Variants in ACOX3 observed in about 807,000 individuals in gnomAD.
ACOX3 encodes the protein acyl-CoA oxidase 3, pristanoyl.
Under a neutral mutation model 81.5 loss-of-function variants are expected in ACOX3, and 73 were observed. The observed-to-expected ratio is 0.90, with a 90% CI of 0.74 to 1.09. The LOEUF is 1.09. ACOX3 is among the 50% of genes least tolerant of loss of function. The pLI is 0.00. For missense variants in ACOX3, 947 were observed against 928.0 expected (o/e 1.02, Z -0.27); for synonymous variants, 387 against 375.1 (o/e 1.03, Z -0.37).
intron 7 of ACOX3, among the ~76,000 whole-genome samples, chr4:8,403,346 C>G (rs1044889218): frequency 6.6e-6 from 1 of 152,202 alleles, no homozygotes; most frequent in Non-Finnish European, 1.5e-5. Context: ...TCACTGCGCC[C>G]CCTGCTGGGT....
Position 8,432,783 on chromosome 4 carries a change from G to A in ACOX3, c.-15+7865C>T, listed in dbSNP as rs1015316331. Among the ~76,000 whole-genome samples, 8 of 152,174 alleles carry A rather than the reference G, an allele frequency of 5.3e-5. 1 individual carries two copies. Among genetic ancestry groups the A allele is most frequent in the Non-Finnish European group, 1.2e-4 (8 of 68,022 alleles). On this transcript the variant is annotated intron_variant, in intron 1 of 17. Coordinates refer to ENST00000356406, the MANE Select transcript of ACOX3 (RefSeq NM_003501.3). The surrounding 1 kb of genome is among the most constrained non-coding windows in gnomAD (Gnocchi z 6.2). The stretch of plus-strand genomic sequence containing the variant: ...TCCACCCAGCTTCCAGCACTTAGAC[G>A]CTGACAACTCAGAATGGAGGGGCTT...
intron 1 of ACOX3, among the ~76,000 whole-genome samples, chr4:8,418,869 AAAAC>A (rs1452486445): frequency 6.6e-6 from 1 of 152,198 alleles, no homozygotes; most frequent in Non-Finnish European, 1.5e-5. Context: ...CAAAGAAAAC[AAAAC>A]AAACAAACAA....
At chr4:8,355,924 G>A in the ACOX3 span, 2 of 160,984 alleles carry the variant, frequency 1.2e-5, no homozygotes, top group Non-Finnish European at 2.8e-5. Context: ...TTCAAGCACG[G>A]GGGAAGGTAT....
In ACOX3 at chr4:8,410,219, A is replaced by G; in HGVS notation, c.680T>C (p.Ile227Thr). Residue 227 changes from isoleucine (I) to threonine (T), a missense_variant, in exon 6 of 18, where the codon ATC (isoleucine) becomes ACC (threonine). Physicochemically the swap from Ile to Thr is moderately conservative, Grantham distance 89. Transcript: ENST00000356406. ...GCCACCCCAGCGTCCTACCTGCACG[A>G]TAAAGGGATGCAGCCCATGGCACTG... ...GDQCHGLHPFIVQIRDPKTLL... is the reference protein window; with the variant it reads ...GDQCHGLHPFTVQIRDPKTLL... 6.2e-7 allele frequency: 1 copy of G among 1,613,936 alleles called. No individual in the cohort carries two copies. Among genetic ancestry groups the G allele is most frequent in the Non-Finnish European group, 8.5e-7 (1 of 1,179,886 alleles).
In ACOX3 at chr4:8,389,752, T is replaced by C. The variant is rs755811635; in HGVS notation, c.1301-18A>G. On this transcript the variant is annotated intron_variant, in intron 11 of 17. Transcript: ENST00000356406. This position sits in a 1 kb window ranked among gnomAD's most constrained non-coding sequence, Gnocchi z 5.3. ...CCGGTTCACTGCAACAAAGCCACAA[T>C]AGTACCATCATTTAAGACGCATATT... 3.1e-6 allele frequency: 5 copies of C among 1,612,904 alleles called. No individual in the cohort carries two copies. In the South Asian group the frequency reaches 4.4e-5, roughly 14 times the overall value.
At chr4:8,412,017 T>A (rs1721778000) in intron 5 of ACOX3, among the ~76,000 whole-genome samples, 1 of 152,204 alleles carries the variant, frequency 6.6e-6, no homozygotes. Context: ...AAATGGGAAG[T>A]GGTCCTCTGA....
chr4:8,414,429 G>A lies in ACOX3; in HGVS notation c.454-48C>T. ...ATGGAAAGCAAGAAAAGTTCTTTGT[G>A]CACATTCCCAGAAGGACCTCACTGC... On this transcript the variant is annotated intron_variant, in intron 4 of 17. Coordinates refer to ENST00000356406, the MANE Select transcript of ACOX3 (RefSeq NM_003501.3). This position sits in a 1 kb window ranked among gnomAD's most constrained non-coding sequence, Gnocchi z 6.1. 1 of 1,535,994 alleles carries A rather than the reference G, an allele frequency of 6.5e-7. No homozygotes were observed. Among genetic ancestry groups the A allele is most frequent in the Non-Finnish European group, 9.0e-7 (1 of 1,109,420 alleles).
intron 5 of ACOX3, among the ~76,000 whole-genome samples, chr4:8,411,552 CG>C (rs1437489050): frequency 6.6e-6 from 1 of 152,168 alleles, no homozygotes; most frequent in Non-Finnish European, 1.5e-5. Flanking sequence ...CTTCAGCACG[CG>C]GCAGTTCTGA....
At position 8,440,631 on chromosome 4, in the gene ACOX3, C is replaced by T. The variant is rs1477325742; in HGVS notation, c.-15+17G>A. On this transcript the variant is annotated intron_variant, in intron 1 of 17. Coordinates refer to ENST00000356406, the MANE Select transcript of ACOX3 (RefSeq NM_003501.3). ...AATTCTCTCAAAAGGGAATAAAACA[C>T]AGGTCAAATTCCTCACCCACACACT... 3 of 611,338 alleles carry T rather than the reference C, an allele frequency of 4.9e-6. No homozygotes were observed. The highest frequency in any genetic ancestry group is 6.7e-5 in the East Asian group (2 of 29,690). The allele number at this position is 611,338 out of a possible 1,614,324, so 37.9% of individuals were successfully genotyped here.
rs1359623993 is a variant in ACOX3, at chr4:8,437,848, C to G, written c.-15+2800G>C. Among the ~76,000 whole-genome samples the G allele has an allele frequency of 6.6e-6, 1 of 152,190 alleles. No individual in the cohort carries two copies. Among genetic ancestry groups the G allele is most frequent in the Non-Finnish European group, 1.5e-5 (1 of 68,036 alleles). ...ACTGATCTGATCAGGCTGGCAGGAGCTAAAGAATGTAAAGACTAGGGCAGA... is the reference window on the plus strand; with the variant it reads ...ACTGATCTGATCAGGCTGGCAGGAGGTAAAGAATGTAAAGACTAGGGCAGA... On this transcript the variant is annotated intron_variant, in intron 1 of 17. Coordinates refer to ENST00000356406, the MANE Select transcript of ACOX3 (RefSeq NM_003501.3). The surrounding 1 kb of genome is among the most constrained non-coding windows in gnomAD (Gnocchi z 5.2).
In ACOX3 at chr4:8,419,753, C is replaced by A. The variant is rs548637175; in HGVS notation, c.-14-3218G>T. Reference sequence around the variant, plus strand: ...CCCCACCTCTCATGTTCTGGAGATGCCCATACTGAGTGTTCAACACTGAAT... The same window carrying A: ...CCCCACCTCTCATGTTCTGGAGATGACCATACTGAGTGTTCAACACTGAAT... On this transcript the variant is annotated intron_variant, in intron 1 of 17. Coordinates refer to ENST00000356406, the MANE Select transcript of ACOX3 (RefSeq NM_003501.3). The surrounding 1 kb of genome is among the most constrained non-coding windows in gnomAD (Gnocchi z 4.2). 6.6e-6 allele frequency among the ~76,000 whole-genome samples: 1 copy of A among 152,252 alleles called. No individual in the cohort carries two copies. The highest frequency in any genetic ancestry group is 2.1e-4 in the South Asian group (1 of 4,814).
In ACOX3 at chr4:8,382,214, C is replaced by A. The variant is rs1208452694; in HGVS notation, c.1538-607G>T. Reference sequence around the variant, plus strand: ...GGCAGGAGGGAGCAGATGTTGCAGACAGGGAGGCCCCGGGGTGGGGTGTCA... The same window carrying A: ...GGCAGGAGGGAGCAGATGTTGCAGAAAGGGAGGCCCCGGGGTGGGGTGTCA... On this transcript the variant is annotated intron_variant, in intron 13 of 17. Coordinates refer to ENST00000356406, the MANE Select transcript of ACOX3 (RefSeq NM_003501.3). This position sits in a 1 kb window ranked among gnomAD's most constrained non-coding sequence, Gnocchi z 4.1. 3.9e-5 allele frequency among the ~76,000 whole-genome samples: 6 copies of A among 152,318 alleles called. No individual in the cohort carries two copies. The East Asian group carries it at 1.2e-3, about 29-fold the overall frequency.
chr4:8,384,517 C>T lies in ACOX3; in HGVS notation c.1538-2910G>A, dbSNP rs771385106. Among the ~76,000 whole-genome samples the T allele has an allele frequency of 6.6e-6, 1 of 152,206 alleles. No homozygotes were observed. Among genetic ancestry groups the T allele is most frequent in the East Asian group, 1.9e-4 (1 of 5,196 alleles). On this transcript the variant is annotated intron_variant, in intron 13 of 17. Coordinates refer to ENST00000356406, the MANE Select transcript of ACOX3 (RefSeq NM_003501.3). This position sits in a 1 kb window ranked among gnomAD's most constrained non-coding sequence, Gnocchi z 5.3. ...GTCAACAACCTCTGTCCTCAAGACT[C>T]TCCCAGAATCCTGGGTCACCACGGC... is the stretch of plus-strand genomic sequence containing the variant.
At chr4:8,371,407 C>T (rs556407272) in intron 16 of ACOX3, among the ~76,000 whole-genome samples, 1 of 152,172 alleles carries the variant, frequency 6.6e-6, no homozygotes, top group African/African-American at 2.4e-5. Flanking sequence ...CTTGGAAAAG[C>T]CATAAGCATA....
chr4:8,415,900 A>G lies in ACOX3; in HGVS notation c.244T>C (p.Cys82Arg), dbSNP rs754383957. 1.2e-6 allele frequency: 2 copies of G among 1,614,130 alleles called. No individual in the cohort carries two copies. Among genetic ancestry groups the G allele is most frequent in the South Asian group, 2.2e-5 (2 of 91,092 alleles). Residue 82 changes from cysteine to arginine, a missense_variant, in exon 3 of 18, where the codon TGC (cysteine) becomes CGC (arginine). Physicochemically the swap from Cys to Arg is radical, Grantham distance 180. Coordinates refer to ENST00000356406, the MANE Select transcript of ACOX3 (RefSeq NM_003501.3). The stretch of plus-strand genomic sequence containing the variant: ...AAGTCATACTCGAAGATCCGCTTGC[A>G]TCGAAGGAAGTTCAGCTCGCGATAC... The part of the protein sequence containing the change: ...EKYRELNFLR[C>R]KRIFEYDFLS...
chr4:8,398,040 A>T (rs1371333020), intron 8 of ACOX3, among the ~76,000 whole-genome samples: 3 of 152,210 alleles, frequency 2.0e-5, no homozygotes, highest in Non-Finnish European at 4.4e-5. Flanking sequence ...GGGTGCCTGT[A>T]GTCCCAGCTA....
chr4:8,405,855 G>A lies in ACOX3; in HGVS notation c.776+100C>T. 1.7e-6 allele frequency: 2 copies of A among 1,206,582 alleles called. No homozygotes were observed. Among genetic ancestry groups the A allele is most frequent in the Non-Finnish European group, 1.2e-6 (1 of 813,992 alleles). 74.7% of individuals were successfully genotyped at this position (1,206,582 alleles called of 1,614,324 possible). On this transcript the variant is annotated intron_variant, in intron 7 of 17. Coordinates refer to ENST00000356406, the MANE Select transcript of ACOX3 (RefSeq NM_003501.3). The surrounding 1 kb of genome is among the most constrained non-coding windows in gnomAD (Gnocchi z 7.1). ...CACCGCATTTGAGTCTAAGAGGGCA[G>A]GGCATGGCATCCATGGGGCCAGTGA...
rs1723985051 is a variant in ACOX3 at position 8,431,989 on chromosome 4, G to A, written c.-15+8659C>T. ...TTCTGCATTCCCAGAAGAGTGGCTG[G>A]AAGAAGTCACCAGGTCCTTGGGAAG... is the stretch of plus-strand genomic sequence containing the variant. On this transcript the variant is annotated intron_variant, in intron 1 of 17. Transcript: ENST00000356406. This position sits in a 1 kb window ranked among gnomAD's most constrained non-coding sequence, Gnocchi z 5.3. Among the ~76,000 whole-genome samples the A allele has an allele frequency of 1.3e-5, 2 of 152,082 alleles. No homozygotes were observed. Among genetic ancestry groups the A allele is most frequent in the Non-Finnish European group, 2.9e-5 (2 of 68,002 alleles).
In ACOX3 at chr4:8,416,812, T is replaced by C. The variant is rs1035393876; in HGVS notation, c.-14-277A>G. Among the ~76,000 whole-genome samples the C allele has an allele frequency of 1.1e-4, 17 of 152,220 alleles. No individual in the cohort carries two copies. Among genetic ancestry groups the C allele is most frequent in the African/African-American group, 3.9e-4 (16 of 41,448 alleles). On this transcript the variant is annotated intron_variant, in intron 1 of 17. Coordinates refer to ENST00000356406, the MANE Select transcript of ACOX3 (RefSeq NM_003501.3). This position sits in a 1 kb window ranked among gnomAD's most constrained non-coding sequence, Gnocchi z 4.2. ...TCACCAGGCACACAGGGCAGAGGGT[T>C]TGTCAGAGTCTTGTTTTCTGTCACA...
Sources: gnomAD v4.1 joint callset for allele counts (sites outside exome capture counted in the v4.1 genomes callset) on GRCh38, gnomAD v4.1.1 for gene constraint, Gnocchi (gnomAD v3.1) non-coding constraint, MANE v1.5 for transcripts, NCBI Gene and HGNC (gene_info 2026-07-23, HGNC 2026-07-21) for gene names.